The following SNED1 variants were observed in gnomAD, a reference collection of about 807,000 sequenced individuals.
The protein encoded by SNED1 is sushi, nidogen and EGF like domains 1, also known as sushi, nidogen and EGF-like domain-containing protein 1.
Under a neutral mutation model 166.7 loss-of-function variants are expected in SNED1, and 81 were observed. That is an observed-to-expected ratio of 0.49 (90% CI 0.41 to 0.58). The LOEUF is 0.58. Among genes scored for constraint, SNED1 ranks in the 20% least tolerant of loss-of-function variants. SNED1 has a pLI of 0.00. For missense variants in SNED1, 1,604 were observed against 2,000.2 expected (o/e 0.80, Z 3.78); for synonymous variants, 762 against 822.0 (o/e 0.93, Z 1.25).
intron 2 of SNED1, among the ~76,000 whole-genome samples, chr2:241,031,539 A>G (rs1414369157): frequency 2.6e-5 from 4 of 152,222 alleles, no homozygotes; most frequent in African/African-American, 9.6e-5. Context: ...CACTCTAGCA[A>G]GGCATCAGGA....
At chr2:241,036,279 A>G (rs1231979919) in intron 4 of SNED1, among the ~76,000 whole-genome samples, 1 of 151,686 alleles carries the variant, frequency 6.6e-6, no homozygotes, top group Non-Finnish European at 1.5e-5. Context: ...CCCCGCTTGC[A>G]TCTGAGCTTA....
intron 8 of SNED1, among the ~76,000 whole-genome samples, chr2:241,043,615 G>A (rs2125057269): frequency 6.6e-6 from 1 of 152,248 alleles, no homozygotes; most frequent in Middle Eastern, 3.4e-3. Context: ...GTGGGTTGAA[G>A]ACTTTTTAAT....
chr2:241,086,807 T>C (rs2063605522), intron 29 of SNED1, among the ~76,000 whole-genome samples: 1 of 152,250 alleles, frequency 6.6e-6, no homozygotes, highest in Non-Finnish European at 1.5e-5. Context: ...ACAAAACGCC[T>C]TCCCATCCAT....
At position 241,053,227 on chromosome 2, in the gene SNED1, G is replaced by A. The variant is rs2061936880; in HGVS notation, c.2158G>A (p.Ala720Thr). Residue 720 changes from alanine to threonine, a missense_variant, in exon 16 of 32, where the codon GCC becomes ACC. Transcript: ENST00000310397. ...CAACGGCACGCGGCTGGGCGCGGTG[G>A]CCCTGTATGCATGTGACCGTGGCTA... ...RFNGTRLGAV[A>T]LYACDRGYSL... 6.2e-7 allele frequency: 1 copy of A among 1,609,170 alleles called. No homozygotes were observed. Among genetic ancestry groups the A allele is most frequent in the African/African-American group, 1.3e-5 (1 of 74,924 alleles).
chr2:241,062,892 C>A lies in SNED1; in HGVS notation c.2359C>A (p.His787Asn). The change falls in exon 17 of 32, where the codon CAC (histidine) becomes AAC (asparagine). Residue 787 changes from histidine (H) to asparagine (N), a missense_variant. By Grantham distance (68) the His-to-Asn change is moderately conservative. Coordinates refer to ENST00000310397, the MANE Select transcript of SNED1 (RefSeq NM_001080437.3). ...CTGCAGCACAGGCTATGAGGGCGCC[C>A]ACTGTGAGCTGGGTAAGAGGGGCCC... The part of the protein sequence containing the change: ...CLCSTGYEGA[H>N]CELERDECRA... 6.2e-7 allele frequency: 1 copy of A among 1,601,096 alleles called. No homozygotes were observed. The highest frequency in any genetic ancestry group is 8.5e-7 in the Non-Finnish European group (1 of 1,174,846).
intron 6 of SNED1, among the ~76,000 whole-genome samples, chr2:241,038,366 G>A (rs1224218698): frequency 1.3e-5 from 2 of 152,200 alleles, no homozygotes; most frequent in Non-Finnish European, 2.9e-5. Flanking sequence ...TATTGGTATT[G>A]GAGAGAGCTA....
In SNED1 at chr2:241,026,009, C is replaced by CTTTTTTTTTTTTTTTTTTT. The variant is rs71404676; in HGVS notation, c.214-4269_214-4251dup. Among the ~76,000 whole-genome samples the CTTTTTTTTTTTTTTTTTTT allele has an allele frequency of 5.6e-4, 41 of 73,594 alleles. 2 individuals are homozygous for CTTTTTTTTTTTTTTTTTTT. Among genetic ancestry groups the CTTTTTTTTTTTTTTTTTTT allele is most frequent in the East Asian group, 1.0e-3 (2 of 1,922 alleles). 48.3% of individuals were successfully genotyped at this position (73,594 alleles called of 152,430 possible). A position where few individuals can be genotyped will look rare whatever the true frequency, so the allele number is the denominator to read the frequency against. On this transcript the variant is annotated intron_variant, in intron 1 of 31. Coordinates refer to ENST00000310397, the MANE Select transcript of SNED1 (RefSeq NM_001080437.3). The stretch of plus-strand genomic sequence containing the variant: ...TTGATGTGGCTTTGTTTTTCTTTTC[C>CTTTTTTTTTTTTTTTTTTT]TTTTTTTTTTTTTTTTTTTTTTTTG...
At chr2:241,015,132 TAC>T (rs2060540050) in intron 1 of SNED1, among the ~76,000 whole-genome samples, 1 of 152,364 alleles carries the variant, frequency 6.6e-6, no homozygotes, top group South Asian at 2.1e-4. Context: ...CTTATCAAGT[TAC>T]ACACACGTAT....
chr2:241,081,401 T>TC (rs1559309058), intron 27 of SNED1, among the ~76,000 whole-genome samples: 7 of 152,010 alleles, frequency 4.6e-5, no homozygotes, highest in Non-Finnish European at 5.9e-5. Flanking sequence ...CCCTCCTCCT[T>TC]CTCCTCCTCC....
chr2:241,087,696 G>A (rs1246587051), intron 30 of SNED1: 7 of 1,366,970 alleles, frequency 5.1e-6, no homozygotes, highest in Non-Finnish European at 6.6e-6. Context: ...CATGCTGGGT[G>A]CTGGGGGGGG....
chr2:241,089,365 C>T (rs775179349), intron 31 of SNED1: 39 of 1,550,092 alleles, frequency 2.5e-5, no homozygotes, highest in Non-Finnish European at 3.1e-5. Flanking sequence ...TTGTTACGTG[C>T]CTAAAAAAAT....
chr2:240,998,312 G>A (rs2059972832), upstream of SNED1, among the ~76,000 whole-genome samples: 1 of 152,228 alleles, frequency 6.6e-6, no homozygotes, highest in African/African-American at 2.4e-5. Context: ...CCCCCCGCGT[G>A]ATGACACGCC....
intron 24 of SNED1, among the ~76,000 whole-genome samples, chr2:241,070,499 C>A (rs577347879): frequency 1.6e-4 from 25 of 152,344 alleles, no homozygotes; most frequent in Non-Finnish European, 3.1e-4. Context: ...AAAACGGGTG[C>A]CGAGGGTGGC....
Position 240,999,141 on chromosome 2 carries a change from GC to G in SNED1, c.213+93del. 1.3e-6 allele frequency: 1 copy of G among 761,058 alleles called. No individual in the cohort carries two copies. The allele number at this position is 761,058 out of a possible 1,614,324, so 47.1% of individuals were successfully genotyped here. On this transcript the variant is annotated intron_variant, in intron 1 of 31. Coordinates refer to ENST00000310397, the MANE Select transcript of SNED1 (RefSeq NM_001080437.3). The surrounding 1 kb of genome is among the most constrained non-coding windows in gnomAD (Gnocchi z 5.8). ...CCGGGCCCGGACTCCCGCCGCCGCC[GC>G]CAGCCACTTGGCACCGGGGCGGCCC...
chr2:241,073,306 C>T lies in SNED1; in HGVS notation c.3858C>T (p.Ala1286=), dbSNP rs1358716370. The change falls in exon 27 of 32, where the codon GCC becomes GCT. Residue 1286 remains alanine (A), a synonymous_variant. Coordinates refer to ENST00000310397, the MANE Select transcript of SNED1 (RefSeq NM_001080437.3). This position sits in a 1 kb window ranked among gnomAD's most constrained non-coding sequence, Gnocchi z 6.6. ...ASAQLENMEE[A]PKRVSLALQL... is the part of the protein sequence containing the mutation. Reference sequence around the variant, plus strand: ...CGCAGCTCGAGAACATGGAGGAAGCCCCCAAGCGGGTCAGCCTGGCCCTCC... The same window carrying T: ...CGCAGCTCGAGAACATGGAGGAAGCTCCCAAGCGGGTCAGCCTGGCCCTCC... The T allele has an allele frequency of 6.4e-7, 1 of 1,572,164 alleles. No individual in the cohort carries two copies. Among genetic ancestry groups the T allele is most frequent in the Non-Finnish European group, 8.6e-7 (1 of 1,160,024 alleles).
intron 1 of SNED1, among the ~76,000 whole-genome samples, chr2:241,011,720 G>C (rs1053050494): frequency 6.6e-6 from 1 of 152,250 alleles, no homozygotes; most frequent in African/African-American, 2.4e-5. Flanking sequence ...TGGGGAGAGA[G>C]GGGTTGCCAC....
chr2:241,065,049 C>T (rs1280680014), intron 20 of SNED1, 92 bp downstream of exon 20: 11 of 1,035,038 alleles, frequency 1.1e-5, no homozygotes, highest in Admixed American at 5.7e-5. Context: ...AGCGTCTGGC[C>T]GCTGCTTGCC....
At chr2:241,085,631 T>G (rs1036703219) in intron 29 of SNED1, among the ~76,000 whole-genome samples, 5 of 152,176 alleles carry the variant, frequency 3.3e-5, no homozygotes, top group African/African-American at 1.2e-4. Context: ...ATTCAAATGA[T>G]TCTTGAATGT....
At position 241,068,037 on chromosome 2, in the gene SNED1, G is replaced by T; in HGVS notation, c.3194+90G>T. 7.4e-6 allele frequency: 9 copies of T among 1,213,848 alleles called. No individual in the cohort carries two copies. The highest frequency in any genetic ancestry group is 2.2e-5 in the Admixed American group (1 of 45,434). 75.2% of individuals were successfully genotyped at this position (1,213,848 alleles called of 1,614,324 possible). On this transcript the variant is annotated intron_variant, in intron 22 of 31. Coordinates refer to ENST00000310397, the MANE Select transcript of SNED1 (RefSeq NM_001080437.3). The surrounding 1 kb of genome is among the most constrained non-coding windows in gnomAD (Gnocchi z 5.3). ...GGCCCAGGTCTCGGGCACATTCTCC[G>T]TGTGTGGACTGTACCACCTGCCGCT...
Sources: gnomAD v4.1 joint callset for allele counts (sites outside exome capture counted in the v4.1 genomes callset) on GRCh38, gnomAD v4.1.1 for gene constraint, Gnocchi (gnomAD v3.1) non-coding constraint, MANE v1.5 for transcripts, NCBI Gene and HGNC (gene_info 2026-07-23, HGNC 2026-07-21) for gene names.